Variants in ADORA2B observed in about 807,000 individuals in gnomAD.
The protein encoded by ADORA2B is adenosine receptor A2b.
In ADORA2B, 18 loss-of-function variants were observed where a neutral mutation model predicts 20.8. That is an observed-to-expected ratio of 0.87 (90% CI 0.60 to 1.29). The LOEUF is 1.29. Among genes scored for constraint, ADORA2B ranks in the 50% most tolerant of loss-of-function variants. The pLI is 0.00. For missense variants in ADORA2B, 441 were observed against 422.7 expected (o/e 1.04, Z -0.38); for synonymous variants, 179 against 178.3 (o/e 1.00, Z -0.03).
intron 1 of ADORA2B, among the ~76,000 whole-genome samples, chr17:15,968,509 G>T (rs1036969566): frequency 6.6e-6 from 1 of 152,200 alleles, no homozygotes; most frequent in Non-Finnish European, 1.5e-5. Context: ...CTTGAGGACT[G>T]CCTCCCAGGA....
At chr17:15,944,398 A>G (rs1969771146), upstream of ADORA2B, among the ~76,000 whole-genome samples, 1 of 151,984 alleles carries the variant, frequency 6.6e-6, no homozygotes, top group Non-Finnish European at 1.5e-5. This position sits in a 1 kb window ranked among gnomAD's most constrained non-coding sequence, Gnocchi z 4.8. Flanking sequence ...ATCCAGGGTG[A>G]GTGTGAAGGA....
At chr17:15,944,760 C>T (rs928544576), upstream of ADORA2B, among the ~76,000 whole-genome samples, 5 of 152,100 alleles carry the variant, frequency 3.3e-5, no homozygotes, top group Admixed American at 2.6e-4. The surrounding 1 kb of genome is among the most constrained non-coding windows in gnomAD (Gnocchi z 4.8). Flanking sequence ...GCTCGCCCCG[C>T]CCGGGGTTGC....
chr17:15,856,021 T>C, the ADORA2B span, among the ~76,000 whole-genome samples: 5 of 152,124 alleles, frequency 3.3e-5, no homozygotes, highest in Non-Finnish European at 5.9e-5. Flanking sequence ...TTTAGATTCT[T>C]CACTGATACG....
In ADORA2B at chr17:15,974,787, C is replaced by T. The variant is rs962579200; in HGVS notation, c.444C>T (p.Asp148=). The change falls in exon 2 of 2, where the codon GAC becomes GAT. Residue 148 remains aspartate (D), a synonymous_variant. Coordinates refer to ENST00000304222, the MANE Select transcript of ADORA2B (RefSeq NM_000676.4). ...LTPFLGWNSK[D]SATNNCTEPW... is the part of the protein sequence containing the mutation. ...CATTCCTGGGGTGGAACAGTAAAGA[C>T]AGTGCCACCAACAACTGCACAGAAC... is the stretch of plus-strand genomic sequence containing the variant. 6.2e-7 allele frequency: 1 copy of T among 1,613,574 alleles called. No individual in the cohort carries two copies. The highest frequency in any genetic ancestry group is 2.2e-5 in the East Asian group (1 of 44,828).
the ADORA2B span, among the ~76,000 whole-genome samples, chr17:15,874,602 G>A: frequency 6.6e-6 from 1 of 152,058 alleles, no homozygotes; most frequent in Non-Finnish European, 1.5e-5. Flanking sequence ...TAAAGATGGA[G>A]AATGACTTGA....
At chr17:15,869,542 A>G in the ADORA2B span, among the ~76,000 whole-genome samples, 1 of 152,156 alleles carries the variant, frequency 6.6e-6, no homozygotes, top group Non-Finnish European at 1.5e-5. Flanking sequence ...GCCATGAAGA[A>G]GTATTGTGGC....
the ADORA2B span, chr17:15,864,207 C>CTGTGCCAGTACATGTTCCATG: frequency 6.5e-6 from 1 of 152,690 alleles, no homozygotes; most frequent in Non-Finnish European, 1.5e-5. Flanking sequence ...AGTAGTAGGC[C>CTGTGCCAGTACATGTTCCATG]TGTGCCAGTA....
chr17:15,923,206 A>ATTCTTTTTTTTT, the ADORA2B span, among the ~76,000 whole-genome samples: 3 of 113,528 alleles, frequency 2.6e-5, no homozygotes, highest in African/African-American at 1.1e-4. Flanking sequence ...TCTTTTTTTA[A>ATTCTTTTTTTTT]TTTTTTTTTT....
chr17:15,915,450 C>T, the ADORA2B span, among the ~76,000 whole-genome samples: 1 of 152,144 alleles, frequency 6.6e-6, no homozygotes, highest in African/African-American at 2.4e-5. Flanking sequence ...TCTCTGGGGA[C>T]CATTATTCTG....
chr17:15,970,956 T>C (rs1018865308), intron 1 of ADORA2B, among the ~76,000 whole-genome samples: 1 of 152,172 alleles, frequency 6.6e-6, no homozygotes, highest in Non-Finnish European at 1.5e-5. Context: ...CCCTCTCTCT[T>C]CATCAGGGAG....
At chr17:15,969,233 G>A (rs145295772) in intron 1 of ADORA2B, among the ~76,000 whole-genome samples, 6,886 of 152,086 alleles carry the variant, frequency 0.045, 150 homozygotes, top group East Asian at 0.073. Flanking sequence ...GGCGGATCAC[G>A]AGGTCAGGAG....
chr17:15,902,650 T>C, the ADORA2B span, among the ~76,000 whole-genome samples: 3 of 152,238 alleles, frequency 2.0e-5, no homozygotes, highest in African/African-American at 7.2e-5. Flanking sequence ...ATTTGTTCTG[T>C]CTTCAGCATC....
chr17:15,935,995 T>C, the ADORA2B span, among the ~76,000 whole-genome samples: 1 of 151,740 alleles, frequency 6.6e-6, no homozygotes, highest in African/African-American at 2.4e-5. Flanking sequence ...GCCTCCTGAG[T>C]AGCTGGAATT....
At chr17:15,867,634 C>T in the ADORA2B span, among the ~76,000 whole-genome samples, 40 of 149,734 alleles carry the variant, frequency 2.7e-4, no homozygotes, top group South Asian at 1.7e-3. Flanking sequence ...GGGGTCAGCC[C>T]GCCGCCCAGC....
At chr17:15,855,834 C>T in the ADORA2B span, among the ~76,000 whole-genome samples, 3 of 152,068 alleles carry the variant, frequency 2.0e-5, no homozygotes, top group East Asian at 5.8e-4. Context: ...GTTTTTCAAC[C>T]TTTGCCCCCC....
chr17:15,937,554 G>C, the ADORA2B span, among the ~76,000 whole-genome samples: 1 of 151,932 alleles, frequency 6.6e-6, no homozygotes. Flanking sequence ...CCAGGAATAA[G>C]AGCTTTTCTT....
the ADORA2B span, among the ~76,000 whole-genome samples, chr17:15,923,197 CTTTTTTTAATTTTT>C: frequency 3.3e-5 from 3 of 90,358 alleles, no homozygotes; most frequent in South Asian, 9.3e-4. Context: ...TAATTTCTTT[CTTTTTTTAATTTTT>C]TTTTTTTTTT....
chr17:15,923,197 C>CTTTCTTTTTTTTTTT, the ADORA2B span, among the ~76,000 whole-genome samples: 1 of 90,334 alleles, frequency 1.1e-5, no homozygotes, highest in African/African-American at 5.4e-5. Context: ...TAATTTCTTT[C>CTTTCTTTTTTTTTTT]TTTTTTTAAT....
the ADORA2B span, among the ~76,000 whole-genome samples, chr17:15,879,394 A>G: frequency 6.6e-6 from 1 of 152,058 alleles, no homozygotes; most frequent in Non-Finnish European, 1.5e-5. Context: ...TCAAGGTTGC[A>G]ATGAGCTGTG....
Sources: allele counts gnomAD v4.1 joint callset (sites outside exome capture counted in the v4.1 genomes callset), GRCh38; gene constraint gnomAD v4.1.1; non-coding constraint Gnocchi (gnomAD v3.1); transcripts MANE v1.5; gene names NCBI Gene and HGNC (gene_info 2026-07-23, HGNC 2026-07-21).